OSBPL3: variants seen among roughly 807,000 people sequenced by gnomAD.
The protein encoded by OSBPL3 is oxysterol binding protein like 3.
In OSBPL3, 65 loss-of-function variants were observed where a neutral mutation model predicts 120.1. That is an observed-to-expected ratio of 0.54 (90% CI 0.44 to 0.67). The LOEUF (loss-of-function observed/expected upper bound fraction) is 0.67, where lower values mean the gene tolerates loss of function less well. OSBPL3 is among the 30% of genes least tolerant of loss of function. OSBPL3 has a pLI of 0.00. For synonymous variants in OSBPL3, 416 were observed against 402.6 expected (o/e 1.03, Z -0.40); for missense variants, 1,004 against 1,082.1 (o/e 0.93, Z 1.01).
upstream of OSBPL3, among the ~76,000 whole-genome samples, chr7:24,981,060 G>A (rs1024970378): frequency 6.6e-6 from 1 of 152,178 alleles, no homozygotes; most frequent in Non-Finnish European, 1.5e-5. The surrounding 1 kb of genome is among the most constrained non-coding windows in gnomAD (Gnocchi z 7.3). Flanking sequence ...GAGCAGTTGC[G>A]AGCTTGCAAC....
In OSBPL3 at chr7:24,820,034, CAG is replaced by C; in HGVS notation, c.1948+139_1948+140del. On this transcript the variant is annotated intron_variant, in intron 17 of 22. Coordinates refer to ENST00000313367, the MANE Select transcript of OSBPL3 (RefSeq NM_015550.4). The surrounding 1 kb of genome is among the most constrained non-coding windows in gnomAD (Gnocchi z 4.6). ...CTAAGTGAGAGATGAGAGGCAAGAA[CAG>C]GTGGCGCAGATCCTTCCAACCAGGC... 1.8e-6 allele frequency: 1 copy of C among 546,796 alleles called. No homozygotes were observed. The highest frequency in any genetic ancestry group is 2.4e-5 in the South Asian group (1 of 41,076). 33.9% of individuals were successfully genotyped at this position (546,796 alleles called of 1,614,324 possible).
At position 24,816,654 on chromosome 7, in the gene OSBPL3, G is replaced by T. The variant is rs779906216; in HGVS notation, c.1983C>A (p.Ser661=). 2.6e-5 allele frequency: 42 copies of T among 1,612,712 alleles called. No individual in the cohort carries two copies. The East Asian group carries it at 8.5e-4, about 33-fold the overall frequency. Residue 661 remains serine (S), a synonymous_variant, in exon 18 of 23, where the codon TCC becomes TCA. Transcript: ENST00000313367. ...VRWKNKFWGK[S]MEIVPIGTTH... Reference sequence around the variant, plus strand: ...TTGTGCCAATTGGAACAATTTCCATGGATTTGCCCCAGAATTTGTTTTTCC... The same window carrying T: ...TTGTGCCAATTGGAACAATTTCCATTGATTTGCCCCAGAATTTGTTTTTCC...
In OSBPL3 at chr7:24,965,830, C is replaced by T. The variant is rs1816312763; in HGVS notation, c.-150+14056G>A. Among the ~76,000 whole-genome samples, 1 of 152,164 alleles carries T rather than the reference C, an allele frequency of 6.6e-6. No homozygotes were observed. The highest frequency in any genetic ancestry group is 2.1e-4 in the South Asian group (1 of 4,816). On this transcript the variant is annotated intron_variant, in intron 1 of 22. Transcript: ENST00000313367. The surrounding 1 kb of genome is among the most constrained non-coding windows in gnomAD (Gnocchi z 4.3). ...CCTCCCAAAGTGTTGGGATTACAGG[C>T]ATTAGCCACTGCGACGGACTCAACT...
chr7:24,823,529 C>T (rs961616702), intron 16 of OSBPL3, among the ~76,000 whole-genome samples: 1 of 152,108 alleles, frequency 6.6e-6, no homozygotes, highest in African/African-American at 2.4e-5. Context: ...AAACCTATGT[C>T]ATCCTCTTCC....
chr7:24,852,401 G>A lies in OSBPL3; in HGVS notation c.1158+103C>T. ...GTTAGAATATAATTTGGATAATTTG[G>A]TTTTCTCCTGAATTTTCAACATAAT... On this transcript the variant is annotated intron_variant, in intron 11 of 22. Transcript: ENST00000313367. This position sits in a 1 kb window ranked among gnomAD's most constrained non-coding sequence, Gnocchi z 4.1. The A allele has an allele frequency of 9.2e-7, 1 of 1,089,766 alleles. No individual in the cohort carries two copies. 67.5% of individuals were successfully genotyped at this position (1,089,766 alleles called of 1,614,324 possible). A position where few individuals can be genotyped will look rare whatever the true frequency, so the allele number is the denominator to read the frequency against.
rs1422105791 is a variant in OSBPL3 at position 24,916,706 on chromosome 7, T to A, written c.-149-24085A>T. Among the ~76,000 whole-genome samples, 1 of 151,978 alleles carries A rather than the reference T, an allele frequency of 6.6e-6. No homozygotes were observed. The highest frequency in any genetic ancestry group is 2.4e-5 in the African/African-American group (1 of 41,338). On this transcript the variant is annotated intron_variant, in intron 1 of 22. Transcript: ENST00000313367. This position sits in a 1 kb window ranked among gnomAD's most constrained non-coding sequence, Gnocchi z 4.9. ...GAAAGAATCTGCCTAATATCATTCC[T>A]CCCGACACCATCATCTAGTAGGGAA...
chr7:24,943,235 A>G (rs1189059943), intron 1 of OSBPL3, among the ~76,000 whole-genome samples: 1 of 152,184 alleles, frequency 6.6e-6, no homozygotes, highest in African/African-American at 2.4e-5. Context: ...CATGCCCAGT[A>G]CACTGGCTGG....
rs1223727269 is a variant in OSBPL3 at position 24,938,049 on chromosome 7, C to A, written c.-150+41837G>T. Among the ~76,000 whole-genome samples, 1 of 152,162 alleles carries A rather than the reference C, an allele frequency of 6.6e-6. No individual in the cohort carries two copies. Among genetic ancestry groups the A allele is most frequent in the Non-Finnish European group, 1.5e-5 (1 of 68,028 alleles). On this transcript the variant is annotated intron_variant, in intron 1 of 22. Coordinates refer to ENST00000313367, the MANE Select transcript of OSBPL3 (RefSeq NM_015550.4). This position sits in a 1 kb window ranked among gnomAD's most constrained non-coding sequence, Gnocchi z 5.8. ...AACCGATAAGATACTTCCTCCTTAT[C>A]TCCAAATGGTGGCCTAAATATACAA...
chr7:24,879,565 G>A lies in OSBPL3; in HGVS notation c.97-7496C>T, dbSNP rs1302752349. Reference sequence around the variant, plus strand: ...TGGTGCCTTCATTACTTAGATAATGGGAGAATATTCATGCTGTCTTTGTGG... The same window carrying A: ...TGGTGCCTTCATTACTTAGATAATGAGAGAATATTCATGCTGTCTTTGTGG... On this transcript the variant is annotated intron_variant, in intron 2 of 22. Transcript: ENST00000313367. The surrounding 1 kb of genome is among the most constrained non-coding windows in gnomAD (Gnocchi z 5.6). 2.2e-4 allele frequency among the ~76,000 whole-genome samples: 33 copies of A among 152,168 alleles called. No homozygotes were observed. The highest frequency in any genetic ancestry group is 2.0e-3 in the Admixed American group (31 of 15,280).
At chr7:24,917,057 G>T (rs1198875019) in intron 1 of OSBPL3, among the ~76,000 whole-genome samples, 1 of 152,068 alleles carries the variant, frequency 6.6e-6, no homozygotes, top group Admixed American at 6.6e-5. Context: ...ACCCATATTT[G>T]TAACTATATA....
At chr7:24,949,897 T>C (rs959397607) in intron 1 of OSBPL3, among the ~76,000 whole-genome samples, 2 of 152,184 alleles carry the variant, frequency 1.3e-5, no homozygotes, top group Non-Finnish European at 2.9e-5. Flanking sequence ...TGCACCCAAC[T>C]CCTTGCTTCA....
intron 12 of OSBPL3, among the ~76,000 whole-genome samples, chr7:24,846,281 G>A (rs968884028): frequency 3.3e-5 from 5 of 152,126 alleles, no homozygotes; most frequent in Non-Finnish European, 5.9e-5. Context: ...CTTTGGCCTC[G>A]TTAGATGTGA....
In OSBPL3 at chr7:24,940,198, A is replaced by G. The variant is rs1812916728; in HGVS notation, c.-150+39688T>C. 6.6e-6 allele frequency among the ~76,000 whole-genome samples: 1 copy of G among 152,202 alleles called. No individual in the cohort carries two copies. Among genetic ancestry groups the G allele is most frequent in the African/African-American group, 2.4e-5 (1 of 41,460 alleles). On this transcript the variant is annotated intron_variant, in intron 1 of 22. Coordinates refer to ENST00000313367, the MANE Select transcript of OSBPL3 (RefSeq NM_015550.4). This position sits in a 1 kb window ranked among gnomAD's most constrained non-coding sequence, Gnocchi z 4.4. ...AAAGGGTTTGAACTTTGGATCTGAA[A>G]ATATATTTTCAGATCAAAAGCTTCT...
At chr7:24,980,764 C>A (rs1818251583), upstream of OSBPL3, among the ~76,000 whole-genome samples, 1 of 152,042 alleles carries the variant, frequency 6.6e-6, no homozygotes, top group Admixed American at 6.6e-5. Flanking sequence ...GACCCTACCT[C>A]CAGAGGCAGT....
chr7:24,936,648 C>G lies in OSBPL3; in HGVS notation c.-150+43238G>C, dbSNP rs1397061134. Among the ~76,000 whole-genome samples the G allele has an allele frequency of 6.6e-6, 1 of 152,166 alleles. No individual in the cohort carries two copies. The highest frequency in any genetic ancestry group is 1.5e-5 in the Non-Finnish European group (1 of 68,034). On this transcript the variant is annotated intron_variant, in intron 1 of 22. Transcript: ENST00000313367. The surrounding 1 kb of genome is among the most constrained non-coding windows in gnomAD (Gnocchi z 4.2). ...AATGAAAATAGGGGAAAGAGTCACT[C>G]TAGTCACAGAGACTGCCTGCAGGCA...
chr7:24,947,817 A>G lies in OSBPL3; in HGVS notation c.-150+32069T>C, dbSNP rs1464095802. Among the ~76,000 whole-genome samples, 3 of 150,034 alleles carry G rather than the reference A, an allele frequency of 2.0e-5. No homozygotes were observed. The highest frequency in any genetic ancestry group is 4.4e-5 in the Non-Finnish European group (3 of 67,868). On this transcript the variant is annotated intron_variant, in intron 1 of 22. Transcript: ENST00000313367. This position sits in a 1 kb window ranked among gnomAD's most constrained non-coding sequence, Gnocchi z 4.4. The stretch of plus-strand genomic sequence containing the variant: ...ACACACACACACACACACTCATTGC[A>G]TACTACCCATGTGCCAGATTCTGTG...
chr7:24,829,196 T>C (rs184206096), intron 16 of OSBPL3, among the ~76,000 whole-genome samples: 7 of 152,374 alleles, frequency 4.6e-5, no homozygotes, highest in African/African-American at 1.7e-4. Context: ...AGAGTGCATA[T>C]GATACCATGG....
chr7:24,948,384 C>T (rs1477546174), intron 1 of OSBPL3, among the ~76,000 whole-genome samples: 2 of 99,322 alleles, frequency 2.0e-5, no homozygotes, highest in Non-Finnish European at 4.3e-5. Flanking sequence ...AGCAGATTTA[C>T]CTCATTTTTT....
At position 24,865,478 on chromosome 7, in the gene OSBPL3, TG is replaced by T. The variant is rs1801178619; in HGVS notation, c.550-14del. The T allele has an allele frequency of 6.2e-7, 1 of 1,612,336 alleles. No homozygotes were observed. Among genetic ancestry groups the T allele is most frequent in the African/African-American group, 1.3e-5 (1 of 74,870 alleles). ...ATATACTGCTACGCTGTTCCACGGATGACAAAAGCACATTGTAAATGGAAAC... is the reference window on the plus strand; with the variant it reads ...ATATACTGCTACGCTGTTCCACGGATACAAAAGCACATTGTAAATGGAAAC... On this transcript the variant is annotated splice_polypyrimidine_tract_variant and intron_variant, in intron 6 of 22. Transcript: ENST00000313367.
Sources: allele counts gnomAD v4.1 joint callset (sites outside exome capture counted in the v4.1 genomes callset), GRCh38; gene constraint gnomAD v4.1.1; non-coding constraint Gnocchi (gnomAD v3.1); transcripts MANE v1.5; gene names NCBI Gene and HGNC (gene_info 2026-07-23, HGNC 2026-07-21).